Variants in CUBN observed in about 807,000 individuals in gnomAD.
CUBN encodes cubilin, also known as 460 kDa receptor.
Under a neutral mutation model 405.3 loss-of-function variants are expected in CUBN, and 282 were observed. The ratio of observed to expected loss-of-function variants is 0.70; its 90% CI spans 0.63 to 0.77. The LOEUF (loss-of-function observed/expected upper bound fraction) is 0.77. Ranked by LOEUF, CUBN falls within the 30% of genes least tolerant of loss-of-function variation. CUBN has a pLI of 0.00. For synonymous variants in CUBN, 1,684 were observed against 1,617.0 expected (o/e 1.04, Z -0.99); for missense variants, 4,514 against 4,475.2 (o/e 1.01, Z -0.25).
chr10:16,933,145 A>G lies in CUBN; in HGVS notation c.6066T>C (p.Leu2022=). Residue 2022 remains leucine, a synonymous_variant, in exon 40 of 67, where the codon CTT becomes CTC. Coordinates refer to ENST00000377833, the MANE Select transcript of CUBN (RefSeq NM_001081.4). ...TTCGGTGAGATTCAATGTCCAGGGA[A>G]AGAATGTTGAGTTCCACGGTAGAGT... ...APDSTVELNI[L]SLDIESHRTC... The G allele has an allele frequency of 6.2e-7, 1 of 1,614,106 alleles. No individual in the cohort carries two copies. The highest frequency in any genetic ancestry group is 1.7e-4 in the Middle Eastern group (1 of 6,060).
intron 40 of CUBN, among the ~76,000 whole-genome samples, chr10:16,929,490 C>A (rs1264068757): frequency 6.6e-6 from 1 of 152,098 alleles, no homozygotes; most frequent in South Asian, 2.1e-4. Context: ...TTTATACAAC[C>A]AGCCACATGG....
intron 66 of CUBN, among the ~76,000 whole-genome samples, chr10:16,828,356 G>A (rs114464432): frequency 2.7e-3 from 405 of 152,226 alleles, no homozygotes; most frequent in African/African-American, 9.2e-3. Flanking sequence ...ATAATAGAAA[G>A]GCAAGTTGGA....
Position 16,836,311 on chromosome 10 carries a change from C to T in CUBN, c.10104G>A (p.Met3368Ile). 1 of 1,613,380 alleles carries T rather than the reference C, an allele frequency of 6.2e-7. No individual in the cohort carries two copies. Among genetic ancestry groups the T allele is most frequent in the Non-Finnish European group, 8.5e-7 (1 of 1,179,304 alleles). The change falls in exon 63 of 67, where the codon ATG becomes ATA. Residue 3368 changes from methionine (M) to isoleucine (I), a missense_variant. Coordinates refer to ENST00000377833, the MANE Select transcript of CUBN (RefSeq NM_001081.4). Reference sequence around the variant, plus strand: ...ATTTGAAAATGACCATTGCAGTACTCATAGAAGAATAAAACACTGGCACAG... The same window carrying T: ...ATTTGAAAATGACCATTGCAGTACTTATAGAAGAATAAAACACTGGCACAG... ...ASAVPVFYSS[M>I]STAMVIFKSG... is the part of the protein sequence containing the mutation.
intron 49 of CUBN, among the ~76,000 whole-genome samples, chr10:16,906,976 A>T (rs1841572183): frequency 6.6e-6 from 1 of 152,344 alleles, no homozygotes; most frequent in South Asian, 2.1e-4. Context: ...ACCCTTTAAA[A>T]TTTTGAACCC....
intron 7 of CUBN, 133 bp downstream of exon 7, chr10:17,115,338 G>T: frequency 1.9e-6 from 2 of 1,044,710 alleles, no homozygotes; most frequent in South Asian, 1.3e-5. Flanking sequence ...CCTCGCCTAT[G>T]TCCTACTTAC....
chr10:16,906,134 GACA>G, intron 50 of CUBN, 66 bp downstream of exon 50: 1 of 1,267,316 alleles, frequency 7.9e-7, no homozygotes, highest in South Asian at 1.2e-5. Context: ...CAACAGCAGC[GACA>G]ACAACAAAAA....
At chr10:17,081,196 C>G (rs1487690493) in intron 17 of CUBN, among the ~76,000 whole-genome samples, 1 of 152,188 alleles carries the variant, frequency 6.6e-6, no homozygotes, top group African/African-American at 2.4e-5. Flanking sequence ...GAAAGATACA[C>G]ACTCAGCAAT....
intron 48 of CUBN, among the ~76,000 whole-genome samples, chr10:16,910,827 A>G (rs753482552): frequency 1.1e-4 from 16 of 151,988 alleles, no homozygotes; most frequent in Non-Finnish European, 1.8e-4. Flanking sequence ...GATTTATGGT[A>G]AAATAAAGAT....
intron 49 of CUBN, 60 bp downstream of exon 49, chr10:16,907,447 GA>G: frequency 6.5e-7 from 1 of 1,539,954 alleles, no homozygotes; most frequent in Non-Finnish European, 9.0e-7. Flanking sequence ...ATTGGCAGTA[GA>G]TGGGGGCATC....
Position 16,824,824 on chromosome 10 carries a change from C to T in CUBN, c.*151G>A, listed in dbSNP as rs76742384. 2,657 of 696,630 alleles carry T rather than the reference C, an allele frequency of 3.8e-3. 50 individuals are homozygous for T. In the African/African-American group the frequency reaches 0.04, roughly 10 times the overall value. The allele number at this position is 696,630 out of a possible 1,614,324, so 43.2% of individuals were successfully genotyped here. The stretch of plus-strand genomic sequence containing the variant: ...GGGGTGAGCCACCACGCCTGGCCTA[C>T]AAATATTGATTCTATCCATGGTTTG... On this transcript the variant is annotated 3_prime_UTR_variant, in exon 67 of 67. Coordinates refer to ENST00000377833, the MANE Select transcript of CUBN (RefSeq NM_001081.4).
At chr10:17,025,125 T>C (rs1353148419) in intron 27 of CUBN, among the ~76,000 whole-genome samples, 1 of 152,188 alleles carries the variant, frequency 6.6e-6, no homozygotes, top group East Asian at 1.9e-4. Flanking sequence ...TAATATGTAA[T>C]TGAAATAATT....
At chr10:17,035,391 C>T (rs12261591) in intron 27 of CUBN, among the ~76,000 whole-genome samples, 28,654 of 152,074 alleles carry the variant, frequency 0.19, 8,160 homozygotes, top group African/African-American at 0.62. Flanking sequence ...GAGGGAAACA[C>T]GGATGGCATG....
rs566517141 is a variant in CUBN, at chr10:16,950,541, G to A, written c.4970-430C>T. Among the ~76,000 whole-genome samples the A allele has an allele frequency of 2.9e-4, 44 of 152,254 alleles. 1 individual carries two copies. The South Asian group carries it at 8.9e-3, about 31-fold the overall frequency. Reference sequence around the variant, plus strand: ...TTACTTCTGGTAATTTCATGTAAGGGTTCTCCAGCAGAGAAGTAATGAATG... The same window carrying A: ...TTACTTCTGGTAATTTCATGTAAGGATTCTCCAGCAGAGAAGTAATGAATG... On this transcript the variant is annotated intron_variant, in intron 33 of 66. Coordinates refer to ENST00000377833, the MANE Select transcript of CUBN (RefSeq NM_001081.4).
intron 6 of CUBN, 21 bp from the exon 7 acceptor site, chr10:17,115,618 C>G (rs1281381755): frequency 6.2e-7 from 1 of 1,614,100 alleles, no homozygotes; most frequent in Admixed American, 1.7e-5. Flanking sequence ...CACAAGAGCA[C>G]AATGTCAGGG....
At chr10:17,118,200 A>T (rs1836949492) in intron 6 of CUBN, among the ~76,000 whole-genome samples, 1 of 152,184 alleles carries the variant, frequency 6.6e-6, no homozygotes, top group African/African-American at 2.4e-5. Context: ...GAAGATAGAG[A>T]AAGGGAGGAA....
chr10:16,826,821 T>C (rs374077026), intron 66 of CUBN, among the ~76,000 whole-genome samples: 43 of 152,172 alleles, frequency 2.8e-4, no homozygotes, highest in African/African-American at 1.0e-3. Context: ...CTTATGGGAG[T>C]GTCACTGTGG....
intron 27 of CUBN, among the ~76,000 whole-genome samples, chr10:17,038,670 T>C (rs1481633607): frequency 1.3e-5 from 2 of 152,230 alleles, no homozygotes; most frequent in East Asian, 3.9e-4. Flanking sequence ...TAATGGAAGC[T>C]AGATTTCTGT....
At chr10:17,050,393 C>T (rs1835237334) in intron 22 of CUBN, among the ~76,000 whole-genome samples, 1 of 152,192 alleles carries the variant, frequency 6.6e-6, no homozygotes, top group Admixed American at 6.5e-5. Flanking sequence ...CAGAAGGGAG[C>T]TGAAGTCCAA....
chr10:16,832,808 A>G (rs763715461), intron 64 of CUBN, among the ~76,000 whole-genome samples: 2 of 152,132 alleles, frequency 1.3e-5, no homozygotes, highest in African/African-American at 4.8e-5. Context: ...CTCGCTTGGT[A>G]GTAACACAGT....
Sources: allele counts gnomAD v4.1 joint callset (sites outside exome capture counted in the v4.1 genomes callset), GRCh38; gene constraint gnomAD v4.1.1; transcripts MANE v1.5; gene names NCBI Gene and HGNC (gene_info 2026-07-23, HGNC 2026-07-21).